The following TAFA2 variants were observed in gnomAD, a reference collection of about 807,000 sequenced individuals.
The protein encoded by TAFA2 is TAFA chemokine like family member 2.
TAFA2 carries 7 observed loss-of-function variants against 18.8 expected under a neutral mutation model. The observed-to-expected ratio is 0.37, with a 90% CI of 0.21 to 0.70. The LOEUF is 0.70. TAFA2 is among the 30% of genes least tolerant of loss of function. The pLI is 0.53. For missense variants in TAFA2, 122 were observed against 158.1 expected (o/e 0.77, Z 1.23); for synonymous variants, 60 against 54.2 (o/e 1.11, Z -0.47).
intron 1 of TAFA2, among the ~76,000 whole-genome samples, chr12:62,145,422 G>A (rs2062273179): frequency 6.6e-6 from 1 of 152,214 alleles, no homozygotes; most frequent in Non-Finnish European, 1.5e-5. Context: ...ATGTGAGGTG[G>A]AAGAGTTTCA....
intron 2 of TAFA2, among the ~76,000 whole-genome samples, chr12:61,774,883 G>T (rs1870189013): frequency 6.6e-6 from 1 of 151,664 alleles, no homozygotes; most frequent in South Asian, 2.1e-4. Context: ...AGAATCAAAT[G>T]ACAACCACAG....
intron 1 of TAFA2, among the ~76,000 whole-genome samples, chr12:62,230,767 T>G (rs1473506618): frequency 2.0e-5 from 3 of 152,184 alleles, no homozygotes; most frequent in East Asian, 1.9e-4. Flanking sequence ...AACTTCAACC[T>G]CTAGGGCTCA....
intron 2 of TAFA2, among the ~76,000 whole-genome samples, chr12:61,826,764 T>C (rs1872549102): frequency 6.6e-6 from 1 of 152,034 alleles, no homozygotes; most frequent in South Asian, 2.1e-4. Context: ...TCTGTCTCTC[T>C]CTCTCTCTCT....
intron 2 of TAFA2, among the ~76,000 whole-genome samples, chr12:61,848,821 A>G (rs770310487): frequency 6.6e-6 from 1 of 151,636 alleles, no homozygotes; most frequent in Non-Finnish European, 1.5e-5. Context: ...GTAAGATATT[A>G]CTTTGGTAAG....
At chr12:62,084,661 A>C (rs749724170) in intron 1 of TAFA2, among the ~76,000 whole-genome samples, 3 of 152,130 alleles carry the variant, frequency 2.0e-5, no homozygotes, top group Non-Finnish European at 2.9e-5. Context: ...AATCAAAAAC[A>C]CTCAGGCTTA....
chr12:61,985,577 G>A (rs1052531991), intron 1 of TAFA2, among the ~76,000 whole-genome samples: 1 of 152,082 alleles, frequency 6.6e-6, no homozygotes, highest in Non-Finnish European at 1.5e-5. Context: ...TCCCCTGTTC[G>A]ATATTAACAT....
intron 4 of TAFA2, among the ~76,000 whole-genome samples, chr12:61,716,647 T>C (rs1869674375): frequency 2.0e-5 from 3 of 152,210 alleles, no homozygotes; most frequent in Admixed American, 2.0e-4. Context: ...AAACAATATT[T>C]ATATAATAGA....
chr12:61,859,351 C>T (rs900329651), intron 2 of TAFA2, among the ~76,000 whole-genome samples: 3 of 152,214 alleles, frequency 2.0e-5, no homozygotes, highest in South Asian at 2.1e-4. Context: ...CCACCATTGA[C>T]ACGTGGGGAT....
intron 2 of TAFA2, among the ~76,000 whole-genome samples, chr12:61,808,132 C>A (rs540409755): frequency 6.6e-6 from 1 of 151,566 alleles, no homozygotes; most frequent in Non-Finnish European, 1.5e-5. Context: ...TGAATTCCCA[C>A]GTTGTGGGAG....
chr12:61,755,959 T>C (rs754550813), intron 2 of TAFA2, among the ~76,000 whole-genome samples: 10 of 152,108 alleles, frequency 6.6e-5, no homozygotes, highest in Non-Finnish European at 1.5e-5. Context: ...ATGCTTTCAG[T>C]AATTTTAAAA....
At chr12:61,910,335 AGATAT>A (rs1387449784) in intron 1 of TAFA2, among the ~76,000 whole-genome samples, 1 of 152,184 alleles carries the variant, frequency 6.6e-6, no homozygotes, top group Non-Finnish European at 1.5e-5. Flanking sequence ...ATGAATTATA[AGATAT>A]AACTAAATTA....
chr12:61,741,872 C>T (rs533392402), intron 4 of TAFA2, among the ~76,000 whole-genome samples: 210 of 152,208 alleles, frequency 1.4e-3, no homozygotes, highest in Non-Finnish European at 2.5e-3. Context: ...TTCCTTTAAA[C>T]AGAGTTTGTT....
chr12:61,949,090 G>A (rs1878376024), intron 1 of TAFA2, among the ~76,000 whole-genome samples: 1 of 152,120 alleles, frequency 6.6e-6, no homozygotes, highest in South Asian at 2.1e-4. Flanking sequence ...GAGTGTTTTT[G>A]AATGAAATTA....
At chr12:62,065,574 T>C (rs1335035899) in intron 1 of TAFA2, among the ~76,000 whole-genome samples, 4 of 152,174 alleles carry the variant, frequency 2.6e-5, no homozygotes, top group Non-Finnish European at 1.5e-5. Flanking sequence ...CAGAGCCCCA[T>C]ATATTATAAG....
chr12:61,942,207 C>T (rs1240542250), intron 1 of TAFA2, among the ~76,000 whole-genome samples: 200 of 143,190 alleles, frequency 1.4e-3, no homozygotes, highest in South Asian at 4.6e-3. Flanking sequence ...ACACCTCACA[C>T]GGCAGGGTAT....
At chr12:62,244,509 C>T (rs1430008708) in intron 1 of TAFA2, among the ~76,000 whole-genome samples, 1 of 152,086 alleles carries the variant, frequency 6.6e-6, no homozygotes, top group Non-Finnish European at 1.5e-5. Flanking sequence ...TTCCATTTTG[C>T]CAGAATAAAT....
Position 61,710,358 on chromosome 12 carries a change from C to A in TAFA2, c.*48G>T. On this transcript the variant is annotated 3_prime_UTR_variant, in exon 5 of 5. Transcript: ENST00000416284. ...TCAGGAGTTGAGTTAAGTTTCTATGCGCATGTTCAATGTCATCAGCCTTGA... is the reference window on the plus strand; with the variant it reads ...TCAGGAGTTGAGTTAAGTTTCTATGAGCATGTTCAATGTCATCAGCCTTGA... 1 of 1,586,178 alleles carries A rather than the reference C, an allele frequency of 6.3e-7. No individual in the cohort carries two copies. Among genetic ancestry groups the A allele is most frequent in the African/African-American group, 1.3e-5 (1 of 74,366 alleles).
intron 1 of TAFA2, among the ~76,000 whole-genome samples, chr12:61,986,938 C>T (rs1879840708): frequency 6.6e-6 from 1 of 152,176 alleles, no homozygotes; most frequent in Non-Finnish European, 1.5e-5. Flanking sequence ...GCTAATGCTG[C>T]CATCTGCTAG....
At chr12:61,908,343 T>C (rs1308319617) in intron 1 of TAFA2, among the ~76,000 whole-genome samples, 1 of 152,000 alleles carries the variant, frequency 6.6e-6, no homozygotes, top group Admixed American at 6.6e-5. Flanking sequence ...AATCTGATGG[T>C]TTTATAAAAG....
Sources: allele counts gnomAD v4.1 joint callset (sites outside exome capture counted in the v4.1 genomes callset), GRCh38; gene constraint gnomAD v4.1.1; transcripts MANE v1.5; gene names NCBI Gene and HGNC (gene_info 2026-07-23, HGNC 2026-07-21).